ODC1: variants seen among roughly 807,000 people sequenced by gnomAD.
ODC1 encodes the protein ornithine decarboxylase.
A neutral mutation model predicts 41.5 loss-of-function variants in ODC1; 18 were observed. The ratio of observed to expected loss-of-function variants is 0.43; its 90% CI spans 0.30 to 0.64. The LOEUF (loss-of-function observed/expected upper bound fraction) is 0.64. ODC1 is among the 30% of genes least tolerant of loss of function. The pLI is 0.11. For missense variants in ODC1, 504 were observed against 589.0 expected, an observed-to-expected ratio of 0.86 and a Z score of 1.49; for synonymous variants, 218 against 211.6, an observed-to-expected ratio of 1.03 and a Z score of -0.26.
chr2:10,441,800 G>C lies in ODC1; in HGVS notation c.1026+17C>G. On this transcript the variant is annotated intron_variant, in intron 10 of 11. Coordinates refer to ENST00000234111, the MANE Select transcript of ODC1 (RefSeq NM_002539.3). The stretch of plus-strand genomic sequence containing the variant: ...CCAGTCCTCTTAATTGTTTTATACA[G>C]TATGCTCAGAAATTACCTTTTGCAG... 1 of 1,612,852 alleles carries C rather than the reference G, an allele frequency of 6.2e-7. No individual in the cohort carries two copies. The highest frequency in any genetic ancestry group is 8.5e-7 in the Non-Finnish European group (1 of 1,178,880).
chr2:10,443,287 C>T lies in ODC1; in HGVS notation c.693G>A (p.Leu231=). 1 of 1,611,964 alleles carries T rather than the reference C, an allele frequency of 6.2e-7. No homozygotes were observed. Among genetic ancestry groups the T allele is most frequent in the Non-Finnish European group, 8.5e-7 (1 of 1,179,556 alleles). ...MGAEVGFSMY[L]LDIGGGFPGS... ...CAGGAAAGCCACCGCCAATATCAAG[C>T]AGATACATGCTGAAACCAACCTCAG... The change falls in exon 8 of 12, where the codon CTG becomes CTA. Residue 231 remains leucine, a synonymous_variant. Transcript: ENST00000234111.
Position 10,442,091 on chromosome 2 carries a change from G to A in ODC1, c.834C>T (p.Tyr278=). Residue 278 remains tyrosine, a synonymous_variant, in exon 9 of 12, where the codon TAC becomes TAT. Coordinates refer to ENST00000234111, the MANE Select transcript of ODC1 (RefSeq NM_002539.3). ...GVRIIAEPGR[Y]YVASAFTLAV... Reference sequence around the variant, plus strand: ...CAAGCGTGAAAGCTGATGCAACATAGTATCTGCCGGGCTCAGCTATGATTC... The same window carrying A: ...CAAGCGTGAAAGCTGATGCAACATAATATCTGCCGGGCTCAGCTATGATTC... The A allele has an allele frequency of 1.9e-6, 3 of 1,614,094 alleles. No individual in the cohort carries two copies. The highest frequency in any genetic ancestry group is 2.5e-6 in the Non-Finnish European group (3 of 1,179,956).
chr2:10,447,958 G>A (rs1170309481), intron 1 of ODC1, among the ~76,000 whole-genome samples, 163 bp downstream of exon 1: 1 of 152,070 alleles, frequency 6.6e-6, no homozygotes, highest in Non-Finnish European at 1.5e-5. Context: ...AGAACCCCGG[G>A]CCGGGAGGAA....
chr2:10,440,947 A>C, intron 11 of ODC1, 79 bp from the exon 12 acceptor site: 1 of 1,515,136 alleles, frequency 6.6e-7, no homozygotes, highest in Non-Finnish European at 8.9e-7. Flanking sequence ...CCCATCAGGA[A>C]ACAATTCAAT....
In ODC1 at chr2:10,443,718, C is replaced by G. The variant is rs116522452; in HGVS notation, c.568G>C (p.Asp190His). Residue 190 changes from aspartate (D) to histidine (H), a missense_variant, in exon 6 of 12, where the codon GAT (aspartate) becomes CAT (histidine). By Grantham distance (81) the Asp-to-His change is moderately conservative (BLOSUM62 -1). This residue lies in a region of ODC1 where 447 missense variants were observed against 524.4 expected (regional missense o/e 0.85). Coordinates refer to ENST00000234111, the MANE Select transcript of ODC1 (RefSeq NM_002539.3). ...LLERAKELNIDVVGVSFHVGS... is the reference protein window; with the variant it reads ...LLERAKELNIHVVGVSFHVGS... ...AAATCTCACCTGACACCAACAACATCGATATTTAGCTCTTTCGCCCGTTCC... is the reference window on the plus strand; with the variant it reads ...AAATCTCACCTGACACCAACAACATGGATATTTAGCTCTTTCGCCCGTTCC... 4 of 1,614,048 alleles carry G rather than the reference C, an allele frequency of 2.5e-6. No homozygotes were observed. The South Asian group carries it at 4.4e-5, about 18-fold the overall frequency.
chr2:10,445,214 T>C lies in ODC1; in HGVS notation c.-77A>G. 1.9e-6 allele frequency: 1 copy of C among 532,768 alleles called. No homozygotes were observed. Among genetic ancestry groups the C allele is most frequent in the Non-Finnish European group, 3.4e-6 (1 of 296,582 alleles). 33.0% of individuals were successfully genotyped at this position (532,768 alleles called of 1,614,324 possible). ...TTCCAGCTTCTCACAAAGGCAACTC[T>C]CCAGGAATTCCAAATCCCTCTGCGT... On this transcript the variant is annotated 5_prime_UTR_variant, in exon 2 of 12. Coordinates refer to ENST00000234111, the MANE Select transcript of ODC1 (RefSeq NM_002539.3).
rs2148069722 is a variant in ODC1 at position 10,443,994 on chromosome 2, CTAAAG to C, written c.449+96_449+100del. On this transcript the variant is annotated intron_variant, in intron 5 of 11. Coordinates refer to ENST00000234111, the MANE Select transcript of ODC1 (RefSeq NM_002539.3). ...CAATGGGGGTTTCAACTACTTTCTA[CTAAAG>C]TATAGAAATATAATAATCAGAAATT... 6.9e-6 allele frequency: 10 copies of C among 1,456,976 alleles called. No individual in the cohort carries two copies. The East Asian group carries it at 9.1e-5, about 13-fold the overall frequency. 90.3% of individuals were successfully genotyped at this position (1,456,976 alleles called of 1,614,324 possible).
At position 10,440,647 on chromosome 2, in the gene ODC1, C is replaced by T. The variant is rs1012051385; in HGVS notation, c.*77G>A. On this transcript the variant is annotated 3_prime_UTR_variant, in exon 12 of 12. Transcript: ENST00000234111. ...TCTTACAAAGACATTTCAAAACTAGCAGTAATTAAGTTACATGGTCCCCCC... is the reference window on the plus strand; with the variant it reads ...TCTTACAAAGACATTTCAAAACTAGTAGTAATTAAGTTACATGGTCCCCCC... 14 of 1,457,220 alleles carry T rather than the reference C, an allele frequency of 9.6e-6. No individual in the cohort carries two copies. Among genetic ancestry groups the T allele is most frequent in the Non-Finnish European group, 1.3e-5 (14 of 1,062,628 alleles). The allele number at this position is 1,457,220 out of a possible 1,614,324, so 90.3% of individuals were successfully genotyped here.
intron 7 of ODC1, 26 bp from the exon 8 acceptor site, chr2:10,443,339 A>G: frequency 6.2e-7 from 1 of 1,601,922 alleles, no homozygotes; most frequent in African/African-American, 1.3e-5. Flanking sequence ...TAAGTCAGCC[A>G]GATCCACAGC....
intron 5 of ODC1, 113 bp downstream of exon 5, chr2:10,443,982 A>T (rs1316895498): frequency 4.8e-6 from 7 of 1,456,942 alleles, no homozygotes; most frequent in Non-Finnish European, 6.5e-6. Context: ...TGGGGGTTTC[A>T]ACTACTTTCT....
At chr2:10,443,888 G>C (rs1342688093) in intron 5 of ODC1, 52 bp from the exon 6 acceptor site, 1 of 1,600,392 alleles carries the variant, frequency 6.2e-7, no homozygotes, top group Non-Finnish European at 8.5e-7. Context: ...TTCACTTATA[G>C]CCACAATTAA....
chr2:10,443,033 T>C (rs965500607), intron 8 of ODC1, among the ~76,000 whole-genome samples, 197 bp downstream of exon 8: 1 of 152,170 alleles, frequency 6.6e-6, no homozygotes, highest in Admixed American at 6.5e-5. Flanking sequence ...CCAAGACTTC[T>C]GGGAAAGCTG....
chr2:10,445,780 C>T (rs986448382), intron 1 of ODC1, among the ~76,000 whole-genome samples: 9 of 152,060 alleles, frequency 5.9e-5, no homozygotes, highest in Admixed American at 2.6e-4. Flanking sequence ...GGATTACAGG[C>T]GCCTGCCACC....
rs1282180203 is a variant in ODC1, at chr2:10,441,691, G to C, written c.1059C>G (p.Ser353=). The change falls in exon 11 of 12, where the codon TCC becomes TCG. Residue 353 remains serine (S), a synonymous_variant. Coordinates refer to ENST00000234111, the MANE Select transcript of ODC1 (RefSeq NM_002539.3). ...RPKPDEKYYS[S]SIWGPTCDGL... ...CATCACATGTTGGTCCCCATATGCTGGATGAATAATACTTCTCATCTGGTT... is the reference window on the plus strand; with the variant it reads ...CATCACATGTTGGTCCCCATATGCTCGATGAATAATACTTCTCATCTGGTT... 4 of 1,614,112 alleles carry C rather than the reference G, an allele frequency of 2.5e-6. No homozygotes were observed. The highest frequency in any genetic ancestry group is 3.4e-6 in the Non-Finnish European group (4 of 1,180,054).
rs1272342185 is a variant in ODC1, at chr2:10,442,047, T to C, written c.878A>G (p.Lys293Arg). Residue 293 changes from lysine to arginine, a missense_variant, in exon 9 of 12, where the codon AAG (lysine) becomes AGG (arginine). Physicochemically the swap from Lys to Arg is conservative, Grantham distance 26. Coordinates refer to ENST00000234111, the MANE Select transcript of ODC1 (RefSeq NM_002539.3). ...CGTCTGTTCCTTTAATACAATTTTC[T>C]TGGCAATGATATTAACTGCAAGCGT... ...AFTLAVNIIA[K>R]KIVLKEQTGS... 1.9e-6 allele frequency: 3 copies of C among 1,614,080 alleles called. No homozygotes were observed. Among genetic ancestry groups the C allele is most frequent in the Non-Finnish European group, 2.5e-6 (3 of 1,179,964 alleles).
Position 10,444,180 on chromosome 2 carries a change from A to T in ODC1, c.364T>A (p.Tyr122Asn), listed in dbSNP as rs779119323. The T allele has an allele frequency of 6.8e-6, 11 of 1,613,150 alleles. No homozygotes were observed. The highest frequency in any genetic ancestry group is 5.0e-5 in the Admixed American group (3 of 59,690). The change falls in exon 5 of 12, where the codon TAT becomes AAT. Residue 122 changes from tyrosine to asparagine, a missense_variant. Around this residue, in one of 3 missense-constraint regions of ODC1, gnomAD observed 447 missense variants for 524.4 expected, o/e 0.85. Transcript: ENST00000234111. ...NPCKQVSQIKYAANNGVQMMT... is the reference protein window; with the variant it reads ...NPCKQVSQIKNAANNGVQMMT... ...ATCTGGACTCCATTATTAGCAGCATACTTAATTTGAGATACTTGTTTACAA... is the reference window on the plus strand; with the variant it reads ...ATCTGGACTCCATTATTAGCAGCATTCTTAATTTGAGATACTTGTTTACAA...
rs1234341740 is a variant in ODC1 at position 10,445,154 on chromosome 2, C to T, written c.-18+1G>A. On this transcript the variant is annotated splice_donor_variant, in intron 2 of 11. Coordinates refer to ENST00000234111, the MANE Select transcript of ODC1 (RefSeq NM_002539.3). LOFTEE classifies it low-confidence loss of function (5UTR_SPLICE). Reference sequence around the variant, plus strand: ...AACATAAATGTAAACTGAATACTTACATGGAAAACTAAGAGATGGAATTGA... The same window carrying T: ...AACATAAATGTAAACTGAATACTTATATGGAAAACTAAGAGATGGAATTGA... The T allele has an allele frequency of 9.6e-6, 6 of 628,020 alleles. No homozygotes were observed. Among genetic ancestry groups the T allele is most frequent in the South Asian group, 1.9e-5 (1 of 53,490 alleles). The allele number at this position is 628,020 out of a possible 1,614,324, so 38.9% of individuals were successfully genotyped here. A position where few individuals can be genotyped will look rare whatever the true frequency, so the allele number is the denominator to read the frequency against.
Position 10,444,521 on chromosome 2 carries a change from C to G in ODC1, c.229G>C (p.Val77Leu). ...GTCCCGGTAGCAGCAAGGGTCTTCA[C>G]GATGGCTTTGCTATCATTACATTTG... ...AVKCNDSKAI[V>L]KTLAATGTGF... Residue 77 changes from valine to leucine, a missense_variant, in exon 4 of 12, where the codon GTG becomes CTG. Transcript: ENST00000234111. 1 of 1,613,872 alleles carries G rather than the reference C, an allele frequency of 6.2e-7. No individual in the cohort carries two copies. Among genetic ancestry groups the G allele is most frequent in the Non-Finnish European group, 8.5e-7 (1 of 1,179,936 alleles).
At chr2:10,445,916 T>C (rs1011589959) in intron 1 of ODC1, among the ~76,000 whole-genome samples, 2 of 152,150 alleles carry the variant, frequency 1.3e-5, no homozygotes, top group Non-Finnish European at 1.5e-5. Flanking sequence ...GATTACATTA[T>C]AGCCTTTATA....
Sources: gnomAD v4.1 joint callset for allele counts (sites outside exome capture counted in the v4.1 genomes callset) on GRCh38, gnomAD v4.1.1 for gene constraint, gnomAD v4.1.1 regional missense constraint, MANE v1.5 for transcripts, NCBI Gene and HGNC (gene_info 2026-07-23, HGNC 2026-07-21) for gene names.